ZPBP: variants seen among roughly 807,000 people sequenced by gnomAD.
The protein encoded by ZPBP is zona pellucida binding protein.
ZPBP carries 26 observed loss-of-function variants against 44.8 expected under a neutral mutation model. The observed-to-expected ratio is 0.58, with a 90% CI of 0.43 to 0.81. ZPBP has a LOEUF of 0.81. Among genes scored for constraint, ZPBP ranks in the 30% least tolerant of loss-of-function variants. The probability of loss-of-function intolerance (pLI) is 0.00; values close to 1 mark genes in which losing one functional copy is unlikely to be tolerated. For synonymous variants in ZPBP, 174 were observed against 153.2 expected, an observed-to-expected ratio of 1.14 and a Z score of -1.00; for missense variants, 409 against 434.0, an observed-to-expected ratio of 0.94 and a Z score of 0.51.
chr7:49,979,214 A>G (rs1325905892), intron 7 of ZPBP, among the ~76,000 whole-genome samples: 1 of 151,990 alleles, frequency 6.6e-6, no homozygotes, highest in Non-Finnish European at 1.5e-5. Flanking sequence ...TCACCGAGAA[A>G]GCCGTATCAC....
chr7:49,890,895 C>T (rs1792098875), intron 2 of ZPBP, among the ~76,000 whole-genome samples: 1 of 151,428 alleles, frequency 6.6e-6, no homozygotes, highest in African/African-American at 2.4e-5. Context: ...ATAGGAAACT[C>T]ACAAGCCAGG....
At chr7:49,922,315 A>G (rs924353434) in intron 1 of ZPBP, among the ~76,000 whole-genome samples, 5 of 152,170 alleles carry the variant, frequency 3.3e-5, no homozygotes, top group African/African-American at 1.2e-4. Flanking sequence ...TTAGATTCAG[A>G]TTTCTTTTTT....
intron 5 of ZPBP, among the ~76,000 whole-genome samples, chr7:50,030,832 A>G (rs1156778777): frequency 6.6e-6 from 1 of 152,192 alleles, no homozygotes; most frequent in Non-Finnish European, 1.5e-5. Flanking sequence ...ATATCATGAC[A>G]TTCCTTATAC....
At chr7:49,939,006 A>G (rs2128752430) in intron 7 of ZPBP, among the ~76,000 whole-genome samples, 1 of 152,290 alleles carries the variant, frequency 6.6e-6, no homozygotes, top group South Asian at 2.1e-4. Context: ...TGGGAGAATA[A>G]TGTTTCAGAT....
chr7:49,916,823 G>C (rs1371560088), intron 1 of ZPBP: 1 of 152,158 alleles, frequency 6.6e-6, no homozygotes, highest in Non-Finnish European at 1.5e-5. Flanking sequence ...CTAAGTCACA[G>C]AACCCAGAGA....
intron 2 of ZPBP, among the ~76,000 whole-genome samples, chr7:49,861,061 C>T (rs1031711041): frequency 7.2e-5 from 11 of 152,168 alleles, no homozygotes; most frequent in South Asian, 2.1e-4. Flanking sequence ...TAAGACTCAC[C>T]GCCCTTTATC....
chr7:50,012,326 C>T (rs1798625403), intron 6 of ZPBP, among the ~76,000 whole-genome samples: 1 of 151,962 alleles, frequency 6.6e-6, no homozygotes, highest in Non-Finnish European at 1.5e-5. Flanking sequence ...AAGAATACTA[C>T]AGGACCCAGT....
At chr7:49,950,411 C>T (rs987558730) in intron 7 of ZPBP, among the ~76,000 whole-genome samples, 1 of 151,714 alleles carries the variant, frequency 6.6e-6, no homozygotes, top group African/African-American at 2.4e-5. Flanking sequence ...AAATCTCAAC[C>T]ATGACAATTT....
intron 7 of ZPBP, among the ~76,000 whole-genome samples, chr7:49,978,970 A>G (rs1339536630): frequency 6.6e-6 from 1 of 152,120 alleles, no homozygotes; most frequent in Non-Finnish European, 1.5e-5. Context: ...AAAGATAATT[A>G]TAAATTAAAA....
chr7:49,983,663 AAC>A (rs1797127809), intron 6 of ZPBP, 144 bp from the exon 7 acceptor site: 7 of 571,244 alleles, frequency 1.2e-5, no homozygotes, highest in East Asian at 5.9e-5. Flanking sequence ...CTATAAATAA[AAC>A]ACACAAAACT....
chr7:49,907,233 A>G lies in ZPBP; in HGVS notation n.412-6018T>C, dbSNP rs149838767. ...AAGGATAAATTAGAAATCACTGAAAATGATTGACATAATGGCTGGAGGTGG... is the reference window on the plus strand; with the variant it reads ...AAGGATAAATTAGAAATCACTGAAAGTGATTGACATAATGGCTGGAGGTGG... On this transcript the variant is annotated intron_variant and non_coding_transcript_variant, in intron 1 of 2. Transcript: ENST00000465922. 1.6e-3 allele frequency among the ~76,000 whole-genome samples: 248 copies of G among 152,354 alleles called. 1 individual carries two copies. Among genetic ancestry groups the G allele is most frequent in the Non-Finnish European group, 2.6e-3 (176 of 68,034 alleles).
chr7:50,076,570 C>A (rs12667453), intron 3 of ZPBP, among the ~76,000 whole-genome samples: 29,194 of 151,348 alleles, frequency 0.19, 3,889 homozygotes, highest in East Asian at 0.67. Flanking sequence ...ATTTCAGGAT[C>A]AACATACAAA....
chr7:49,943,095 A>G, intron 7 of ZPBP: 1 of 351,978 alleles, frequency 2.8e-6, no homozygotes, highest in South Asian at 2.6e-5. Flanking sequence ...CCAGTCATTG[A>G]GGACTATCCA....
chr7:50,025,369 C>T (rs915264430), intron 5 of ZPBP, among the ~76,000 whole-genome samples: 4 of 151,750 alleles, frequency 2.6e-5, no homozygotes, highest in South Asian at 2.1e-4. Flanking sequence ...ACCAACATTA[C>T]CCAACTTCAG....
At chr7:49,968,218 C>G (rs1201809043) in intron 7 of ZPBP, among the ~76,000 whole-genome samples, 1 of 151,810 alleles carries the variant, frequency 6.6e-6, no homozygotes, top group African/African-American at 2.4e-5. Context: ...TGTGTGATCT[C>G]TAGACTAAAA....
intron 4 of ZPBP, among the ~76,000 whole-genome samples, chr7:50,038,102 C>G (rs1799903095): frequency 6.6e-6 from 1 of 152,088 alleles, no homozygotes; most frequent in Non-Finnish European, 1.5e-5. Context: ...GGACTATAAG[C>G]TGATGATACC....
chr7:50,085,523 A>G (rs891857286), intron 2 of ZPBP, among the ~76,000 whole-genome samples: 3 of 152,178 alleles, frequency 2.0e-5, no homozygotes, highest in East Asian at 1.9e-4. Context: ...CTGGCAGCCA[A>G]TGAAGGGGGC....
At chr7:49,915,613 A>G (rs1420669891) in intron 1 of ZPBP, 1 of 152,202 alleles carries the variant, frequency 6.6e-6, no homozygotes, top group Non-Finnish European at 1.5e-5. Context: ...TACAAAATAT[A>G]CACTGTTTCA....
At chr7:49,905,751 C>T (rs963506279) in intron 1 of ZPBP, among the ~76,000 whole-genome samples, 7 of 152,224 alleles carry the variant, frequency 4.6e-5, no homozygotes, top group Admixed American at 3.3e-4. Context: ...TTCTAAGTCA[C>T]GAGATAGGAT....
Sources: gnomAD v4.1 joint callset for allele counts (sites outside exome capture counted in the v4.1 genomes callset) on GRCh38, gnomAD v4.1.1 for gene constraint, MANE v1.5 for transcripts, NCBI Gene and HGNC (gene_info 2026-07-23, HGNC 2026-07-21) for gene names.